The following HMCN1 variants were observed in gnomAD, a reference collection of about 807,000 sequenced individuals.
HMCN1 encodes the protein hemicentin-1.
Under a neutral mutation model 625.9 loss-of-function variants are expected in HMCN1, and 321 were observed. The observed-to-expected ratio is 0.51, with a 90% CI of 0.47 to 0.56. The LOEUF is 0.56. HMCN1 is among the 20% of genes least tolerant of loss of function. The pLI, the probability that HMCN1 is intolerant of heterozygous loss-of-function variation, is 0.00. For missense variants in HMCN1, 6,588 were observed against 6,887.3 expected (o/e 0.96, Z 1.54); for synonymous variants, 2,425 against 2,417.6 (o/e 1.00, Z -0.09).
intron 95 of HMCN1, 98 bp from the exon 96 acceptor site, chr1:186,152,652 C>G (rs972588700): frequency 1.2e-5 from 18 of 1,476,248 alleles, no homozygotes; most frequent in Admixed American, 3.4e-5. Flanking sequence ...AGTTTGAACT[C>G]AAAAAGCATA....
intron 41 of HMCN1, among the ~76,000 whole-genome samples, chr1:186,046,554 C>T (rs990300581): frequency 8.6e-5 from 13 of 151,934 alleles, no homozygotes; most frequent in African/African-American, 3.1e-4. Context: ...AACAAATTAA[C>T]AATTTAGTTG....
At chr1:185,747,167 C>G (rs965784737) in intron 1 of HMCN1, among the ~76,000 whole-genome samples, 1 of 152,078 alleles carries the variant, frequency 6.6e-6, no homozygotes. Context: ...AATTTCTGAT[C>G]AAAATATTTG....
At chr1:186,180,984 G>C (rs528309843) in intron 104 of HMCN1, among the ~76,000 whole-genome samples, 1 of 152,184 alleles carries the variant, frequency 6.6e-6, no homozygotes, top group South Asian at 2.1e-4. Context: ...TGTTAGGCTT[G>C]GGCTAAAGTT....
intron 25 of HMCN1, among the ~76,000 whole-genome samples, 169 bp from the exon 26 acceptor site, chr1:185,999,876 A>C (rs1006693222): frequency 6.6e-6 from 1 of 152,180 alleles, no homozygotes; most frequent in Non-Finnish European, 1.5e-5. Context: ...GGCATTAACT[A>C]ACATAATCTT....
chr1:185,808,089 T>C (rs1035986576), intron 1 of HMCN1, among the ~76,000 whole-genome samples: 1 of 152,136 alleles, frequency 6.6e-6, no homozygotes, highest in Non-Finnish European at 1.5e-5. Flanking sequence ...AAAAAACCTG[T>C]AATCCCAGCA....
chr1:186,148,641 A>G (rs553444705), intron 93 of HMCN1, among the ~76,000 whole-genome samples: 1 of 152,246 alleles, frequency 6.6e-6, no homozygotes, highest in South Asian at 2.1e-4. Flanking sequence ...CCAAGTGATT[A>G]CAAGTGCCCA....
chr1:185,931,510 C>T lies in HMCN1; in HGVS notation c.1553-2039C>T, dbSNP rs571111430. ...GTATGCCATTATTTCAAATCTCATC[C>T]GCTCATGTATGTTAGTAGAAAGTTG... is the stretch of plus-strand genomic sequence containing the variant. On this transcript the variant is annotated intron_variant, in intron 10 of 106. Coordinates refer to ENST00000271588, the MANE Select transcript of HMCN1 (RefSeq NM_031935.3). Among the ~76,000 whole-genome samples, 33 of 152,146 alleles carry T rather than the reference C, an allele frequency of 2.2e-4. 1 individual carries two copies. The South Asian group carries it at 6.2e-3, about 29-fold the overall frequency.
At chr1:185,969,524 G>A (rs1650653104) in intron 14 of HMCN1, among the ~76,000 whole-genome samples, 1 of 152,180 alleles carries the variant, frequency 6.6e-6, no homozygotes, top group South Asian at 2.1e-4. Flanking sequence ...TAGAAGCTAA[G>A]ACAGTTACTT....
At chr1:186,119,934 T>C in intron 79 of HMCN1, 52 bp downstream of exon 79, 1 of 1,614,040 alleles carries the variant, frequency 6.2e-7, no homozygotes, top group South Asian at 1.1e-5. Context: ...CAGTGTTTTA[T>C]AATTCGAATC....
At position 185,866,400 on chromosome 1, in the gene HMCN1, T is replaced by A. The variant is rs1018535962; in HGVS notation, c.621+537T>A. Among the ~76,000 whole-genome samples, 3 of 116,080 alleles carry A rather than the reference T, an allele frequency of 2.6e-5. No homozygotes were observed. In the East Asian group the frequency reaches 6.0e-4, roughly 23 times the overall value. 76.2% of individuals were successfully genotyped at this position (116,080 alleles called of 152,430 possible). A position where few individuals can be genotyped will look rare whatever the true frequency, so the allele number is the denominator to read the frequency against. ...TCCTTTAGATAGGTTTGTCATAATT[T>A]TTTTTTTTTTTTTTTTTTTTTTGAG... On this transcript the variant is annotated intron_variant, in intron 4 of 106. Transcript: ENST00000271588.
intron 4 of HMCN1, among the ~76,000 whole-genome samples, chr1:185,877,321 C>CTTTTTTTTTTT (rs71557837): frequency 2.3e-4 from 8 of 34,910 alleles, no homozygotes; most frequent in Non-Finnish European, 2.7e-4. Context: ...ATGTGTCTTT[C>CTTTTTTTTTTT]TTTTTTTTTT....
intron 2 of HMCN1, among the ~76,000 whole-genome samples, chr1:185,850,584 A>G (rs1571444683): frequency 1.3e-5 from 2 of 151,816 alleles, no homozygotes; most frequent in African/African-American, 2.4e-5. Context: ...CCTGACTCAT[A>G]CTCCATGACT....
At chr1:186,161,367 T>C (rs1651465458) in intron 97 of HMCN1, among the ~76,000 whole-genome samples, 1 of 134,444 alleles carries the variant, frequency 7.4e-6, no homozygotes, top group Non-Finnish European at 1.5e-5. Flanking sequence ...GTCTTGTCTC[T>C]TTATCCAATT....
intron 4 of HMCN1, among the ~76,000 whole-genome samples, chr1:185,896,158 G>A (rs531416895): frequency 2.0e-5 from 3 of 152,054 alleles, no homozygotes; most frequent in South Asian, 2.1e-4. Context: ...GGATGGTCTC[G>A]ATCTCCTGAC....
Position 185,890,159 on chromosome 1 carries a change from C to T in HMCN1, c.622-19178C>T, listed in dbSNP as rs1222363369. Among the ~76,000 whole-genome samples the T allele has an allele frequency of 5.3e-5, 8 of 150,876 alleles. No individual in the cohort carries two copies. The East Asian group carries it at 1.5e-3, about 29-fold the overall frequency. On this transcript the variant is annotated intron_variant, in intron 4 of 106. Transcript: ENST00000271588. ...TTTCTGTGGGATTGGTGGTGACATCCCCTTTATCATTTTTTATTGCGTCTA... is the reference window on the plus strand; with the variant it reads ...TTTCTGTGGGATTGGTGGTGACATCTCCTTTATCATTTTTTATTGCGTCTA...
chr1:186,146,128 G>A (rs188411621), intron 93 of HMCN1, among the ~76,000 whole-genome samples: 1 of 152,160 alleles, frequency 6.6e-6, no homozygotes, highest in Non-Finnish European at 1.5e-5. Context: ...CAGGCTTCCT[G>A]GTAAAAGGAT....
chr1:186,004,176 T>C (rs1181916790), intron 29 of HMCN1, among the ~76,000 whole-genome samples: 2 of 152,156 alleles, frequency 1.3e-5, no homozygotes, highest in Non-Finnish European at 2.9e-5. Context: ...AACTGTCTTA[T>C]TAAAAAGGAA....
chr1:185,968,184 T>G (rs1475490674), intron 14 of HMCN1, among the ~76,000 whole-genome samples: 2 of 152,114 alleles, frequency 1.3e-5, no homozygotes, highest in Non-Finnish European at 2.9e-5. Context: ...AGATGTTGCC[T>G]TTTTCATTCT....
chr1:186,137,404 T>C, intron 87 of HMCN1, 94 bp from the exon 88 acceptor site: 4 of 1,350,466 alleles, frequency 3.0e-6, no homozygotes, highest in Non-Finnish European at 4.1e-6. Context: ...CAACTATATA[T>C]TTAGCTCTGT....
Sources: allele counts gnomAD v4.1 joint callset (sites outside exome capture counted in the v4.1 genomes callset), GRCh38; gene constraint gnomAD v4.1.1; transcripts MANE v1.5; gene names NCBI Gene and HGNC (gene_info 2026-07-23, HGNC 2026-07-21).